ATAD2: variants seen among roughly 807,000 people sequenced by gnomAD.
The protein encoded by ATAD2 is ATPase family AAA domain containing 2.
Under a neutral mutation model 168.9 loss-of-function variants are expected in ATAD2, and 62 were observed. The ratio of observed to expected loss-of-function variants is 0.37; its 90% CI spans 0.30 to 0.45. The LOEUF is 0.45. Ranked by LOEUF, ATAD2 falls within the 20% of genes least tolerant of loss-of-function variation. The pLI is 1.00. For missense variants in ATAD2, 1,419 were observed against 1,667.8 expected, an observed-to-expected ratio of 0.85 and a Z score of 2.60; for synonymous variants, 613 against 571.6, an observed-to-expected ratio of 1.07 and a Z score of -1.03.
upstream of ATAD2, among the ~76,000 whole-genome samples, chr8:123,399,737 C>T (rs192874033): frequency 3.3e-5 from 5 of 152,166 alleles, no homozygotes; most frequent in East Asian, 9.7e-4. Context: ...ACCTGTAATC[C>T]CAGCTACTCA....
rs1162004056 is a variant in ATAD2, at chr8:123,396,145, C to G, written c.171+42G>C. ...CGAGCGCCGGGCTGCCGGCAGTCCC[C>G]CCGGGAACCGCCCTGGGAGCCCGCC... On this transcript the variant is annotated intron_variant, in intron 1 of 27. Coordinates refer to ENST00000287394, the MANE Select transcript of ATAD2 (RefSeq NM_014109.4). The G allele has an allele frequency of 2.0e-6, 3 of 1,516,236 alleles. No individual in the cohort carries two copies. In the African/African-American group the frequency reaches 4.3e-5, roughly 22 times the overall value. The allele number at this position is 1,516,236 out of a possible 1,614,324, so 93.9% of individuals were successfully genotyped here.
At chr8:123,364,216 T>TAA (rs550049101) in intron 8 of ATAD2, among the ~76,000 whole-genome samples, 166 of 148,020 alleles carry the variant, frequency 1.1e-3, no homozygotes, top group Non-Finnish European at 2.1e-4. Context: ...ACTTTACAGA[T>TAA]AAAAAAAAAA....
chr8:123,386,620 T>TA (rs1829652514), intron 1 of ATAD2, among the ~76,000 whole-genome samples: 1 of 152,056 alleles, frequency 6.6e-6, no homozygotes, highest in African/African-American at 2.4e-5. Flanking sequence ...TGAATGTACT[T>TA]AATGAACTGT....
Position 123,346,655 on chromosome 8 carries a change from T to C in ATAD2, c.2308A>G (p.Lys770Glu). The C allele has an allele frequency of 6.3e-7, 1 of 1,583,068 alleles. No homozygotes were observed. Among genetic ancestry groups the C allele is most frequent in the Non-Finnish European group, 8.6e-7 (1 of 1,163,158 alleles). Reference protein sequence around the residue: ...ENGLSQKSSHKAKDNFNFLHL... With the variant: ...ENGLSQKSSHEAKDNFNFLHL... ...AGAAAATTAAAATTGTCTTTTGCCTTATGAGAAGATTTCTGAGAAAGTCCA... is the reference window on the plus strand; with the variant it reads ...AGAAAATTAAAATTGTCTTTTGCCTCATGAGAAGATTTCTGAGAAAGTCCA... The change falls in exon 17 of 28, where the codon AAG becomes GAG. Residue 770 changes from lysine to glutamate, a missense_variant. Physicochemically the swap from Lys to Glu is moderately conservative, Grantham distance 56. Around this residue, in one of 5 missense-constraint regions of ATAD2, gnomAD observed 545 missense variants for 724.9 expected, o/e 0.75. Coordinates refer to ENST00000287394, the MANE Select transcript of ATAD2 (RefSeq NM_014109.4).
At chr8:123,325,765 A>C in intron 26 of ATAD2, 128 bp downstream of exon 26, 1 of 1,214,634 alleles carries the variant, frequency 8.2e-7, no homozygotes, top group Non-Finnish European at 1.1e-6. Flanking sequence ...AGTAAAGGGA[A>C]GCTTGGAGGA....
intron 27 of ATAD2, among the ~76,000 whole-genome samples, chr8:123,322,722 T>C (rs572213196): frequency 1.3e-5 from 2 of 152,114 alleles, no homozygotes; most frequent in African/African-American, 2.4e-5. Flanking sequence ...ATTGGAAAAA[T>C]ACTAAACTCA....
At chr8:123,368,504 G>A (rs1450515072) in intron 8 of ATAD2, among the ~76,000 whole-genome samples, 1 of 151,920 alleles carries the variant, frequency 6.6e-6, no homozygotes, top group Non-Finnish European at 1.5e-5. Context: ...AACAACTGTT[G>A]GGATGTAGAA....
chr8:123,400,977 G>A (rs1039291611), upstream of ATAD2: 25 of 1,443,744 alleles, frequency 1.7e-5, no homozygotes, highest in African/African-American at 1.8e-4. This position sits in a 1 kb window ranked among gnomAD's most constrained non-coding sequence, Gnocchi z 4.5. Flanking sequence ...TGGAGGCCAC[G>A]ATGCGGCATG....
chr8:123,384,910 G>A (rs1829603857), intron 1 of ATAD2, among the ~76,000 whole-genome samples: 1 of 152,060 alleles, frequency 6.6e-6, no homozygotes, highest in Admixed American at 6.6e-5. Flanking sequence ...TTATTTCTTG[G>A]CGCTCAGAAG....
chr8:123,371,754 T>C lies in ATAD2; in HGVS notation c.452A>G (p.Asp151Gly). The C allele has an allele frequency of 6.2e-7, 1 of 1,613,702 alleles. No individual in the cohort carries two copies. The highest frequency in any genetic ancestry group is 8.5e-7 in the Non-Finnish European group (1 of 1,179,802). ...STEHLHEDNGDVEVRRSCRIR... is the reference protein window; with the variant it reads ...STEHLHEDNGGVEVRRSCRIR... ...CCTACAACTTCGACGCACTTCAACATCACCATTATCTTCATGTAAGTGTTC... is the reference window on the plus strand; with the variant it reads ...CCTACAACTTCGACGCACTTCAACACCACCATTATCTTCATGTAAGTGTTC... Residue 151 changes from aspartate (D) to glycine (G), a missense_variant, in exon 4 of 28, where the codon GAT becomes GGT. Physicochemically the swap from Asp to Gly is moderately conservative, Grantham distance 94. Around this residue, in one of 5 missense-constraint regions of ATAD2, gnomAD observed 419 missense variants for 423.5 expected, o/e 0.99. Coordinates refer to ENST00000287394, the MANE Select transcript of ATAD2 (RefSeq NM_014109.4).
chr8:123,386,406 G>A (rs947463758), intron 1 of ATAD2, among the ~76,000 whole-genome samples: 3 of 152,152 alleles, frequency 2.0e-5, no homozygotes, highest in Admixed American at 2.0e-4. Flanking sequence ...AGTGAAATAA[G>A]CAAGTCATAA....
chr8:123,409,121 G>GGCT (rs1027143186), intron 1 of ATAD2, among the ~76,000 whole-genome samples: 41 of 151,950 alleles, frequency 2.7e-4, no homozygotes, highest in Middle Eastern at 3.2e-3. Flanking sequence ...CCACGGCCCC[G>GGCT]GCTGATATAT....
Position 123,349,411 on chromosome 8 carries a change from A to T in ATAD2, c.1680T>A (p.Asp560Glu), listed in dbSNP as rs1421986264. Residue 560 changes from aspartate (D) to glutamate (E), a missense_variant, in exon 14 of 28, where the codon GAT becomes GAA. This residue lies in a region of ATAD2 where 545 missense variants were observed against 724.9 expected (regional missense o/e 0.75). Coordinates refer to ENST00000287394, the MANE Select transcript of ATAD2 (RefSeq NM_014109.4). ...SIVSTLLALMDGLDSRGEIVV... is the reference protein window; with the variant it reads ...SIVSTLLALMEGLDSRGEIVV... The stretch of plus-strand genomic sequence containing the variant: ...CAATTTCCCCTCTGCTGTCCAATCC[A>T]TCCATAAGAGCTAGCAGGGTGGAAA... 6.2e-7 allele frequency: 1 copy of T among 1,614,044 alleles called. No homozygotes were observed. The highest frequency in any genetic ancestry group is 1.1e-5 in the South Asian group (1 of 91,074).
upstream of ATAD2, chr8:123,401,330 G>A: frequency 7.2e-7 from 1 of 1,383,842 alleles, no homozygotes; most frequent in Non-Finnish European, 1.0e-6. Flanking sequence ...GTGGGCACCT[G>A]TGAGGATGAC....
chr8:123,335,078 AC>A (rs1474413407), intron 22 of ATAD2, among the ~76,000 whole-genome samples: 1 of 152,070 alleles, frequency 6.6e-6, no homozygotes, highest in African/African-American at 2.4e-5. Flanking sequence ...AGAATCAGAA[AC>A]CCTAGAGATG....
At chr8:123,329,814 A>G (rs1827726582) in intron 24 of ATAD2, among the ~76,000 whole-genome samples, 1 of 151,480 alleles carries the variant, frequency 6.6e-6, no homozygotes, top group South Asian at 2.1e-4. Context: ...TACCATTATC[A>G]TCATCATTTT....
chr8:123,400,820 T>C, upstream of ATAD2: 2 of 1,135,788 alleles, frequency 1.8e-6, no homozygotes, highest in Non-Finnish European at 2.7e-6. The surrounding 1 kb of genome is among the most constrained non-coding windows in gnomAD (Gnocchi z 4.5). Flanking sequence ...GCCATCACGA[T>C]GGCTCTGGTG....
chr8:123,390,501 C>A (rs917009695), intron 1 of ATAD2, among the ~76,000 whole-genome samples: 4 of 152,100 alleles, frequency 2.6e-5, no homozygotes, highest in African/African-American at 9.7e-5. Flanking sequence ...ACTGCCACAC[C>A]CAGAAGCTCC....
chr8:123,326,152 T>C (rs889235457), intron 25 of ATAD2, 126 bp from the exon 26 acceptor site: 8 of 985,418 alleles, frequency 8.1e-6, no homozygotes, highest in African/African-American at 1.6e-5. Context: ...TTCTGGCTTA[T>C]TAACTCATTC....
Sources: allele counts gnomAD v4.1 joint callset (sites outside exome capture counted in the v4.1 genomes callset), GRCh38; gene constraint gnomAD v4.1.1; regional missense constraint gnomAD v4.1.1; non-coding constraint Gnocchi (gnomAD v3.1); transcripts MANE v1.5; gene names NCBI Gene and HGNC (gene_info 2026-07-23, HGNC 2026-07-21).